GALNT7: variants seen among roughly 807,000 people sequenced by gnomAD.
GALNT7 encodes the protein polypeptide N-acetylgalactosaminyltransferase 7.
Under a neutral mutation model 82.1 loss-of-function variants are expected in GALNT7, and 60 were observed. That is an observed-to-expected ratio of 0.73 (90% CI 0.59 to 0.91). The LOEUF (loss-of-function observed/expected upper bound fraction) is 0.91, where lower values mean the gene tolerates loss of function less well. GALNT7 is among the 40% of genes least tolerant of loss of function. The pLI is 0.00. For missense variants in GALNT7, 660 were observed against 804.2 expected, an observed-to-expected ratio of 0.82 and a Z score of 2.17; for synonymous variants, 243 against 275.1, an observed-to-expected ratio of 0.88 and a Z score of 1.15.
At chr4:173,273,508 A>G (rs1223404719) in intron 2 of GALNT7, among the ~76,000 whole-genome samples, 1 of 152,226 alleles carries the variant, frequency 6.6e-6, no homozygotes, top group Non-Finnish European at 1.5e-5. Flanking sequence ...TCTTCTGAAC[A>G]ACTGGTTTGT....
intron 1 of GALNT7, among the ~76,000 whole-genome samples, chr4:173,234,358 C>CCTCTTCACTGAGCTATAAATT (rs1490297775): frequency 1.3e-5 from 2 of 152,160 alleles, no homozygotes; most frequent in Non-Finnish European, 2.9e-5. Context: ...CCAGTCCAGA[C>CCTCTTCACTGAGCTATAAATT]CTCTTCACTG....
chr4:173,307,711 C>T (rs759739659), intron 8 of GALNT7, among the ~76,000 whole-genome samples: 15 of 152,168 alleles, frequency 9.9e-5, no homozygotes, highest in Non-Finnish European at 1.6e-4. Flanking sequence ...GGAGCATGAA[C>T]GAACTATAGC....
At chr4:173,209,207 C>G (rs1733194163) in intron 1 of GALNT7, among the ~76,000 whole-genome samples, 1 of 152,174 alleles carries the variant, frequency 6.6e-6, no homozygotes, top group Non-Finnish European at 1.5e-5. Context: ...TCACCACCAT[C>G]CCCCGACATC....
chr4:173,179,247 T>C (rs996804449), intron 1 of GALNT7, among the ~76,000 whole-genome samples: 2 of 152,252 alleles, frequency 1.3e-5, no homozygotes, highest in Admixed American at 1.3e-4. Context: ...CCAAAACTTT[T>C]TTGGAGCGAG....
rs775194329 is a variant in GALNT7 at position 173,314,028 on chromosome 4, C to T, written c.1460C>T (p.Ser487Leu). ...KDYFYASRPE[S>L]QALPYGDISE... ...TACTTCTATGCTAGTCGTCCTGAAT[C>T]GCAGGCATTACCATATGGGGATATA... is the stretch of plus-strand genomic sequence containing the variant. Residue 487 changes from serine to leucine, a missense_variant, in exon 9 of 12, where the codon TCG (serine) becomes TTG (leucine). This residue lies in a region of GALNT7 where 527 missense variants were observed against 683.5 expected (regional missense o/e 0.77). Coordinates refer to ENST00000265000, the MANE Select transcript of GALNT7 (RefSeq NM_017423.3). 3.1e-6 allele frequency: 5 copies of T among 1,609,674 alleles called. No homozygotes were observed. The highest frequency in any genetic ancestry group is 2.2e-5 in the East Asian group (1 of 44,860).
At chr4:173,313,676 C>G (rs1737473940) in intron 8 of GALNT7, among the ~76,000 whole-genome samples, 1 of 151,662 alleles carries the variant, frequency 6.6e-6, no homozygotes, top group African/African-American at 2.4e-5. Context: ...ATTTATTCTT[C>G]TGTTAGCAGA....
intron 1 of GALNT7, among the ~76,000 whole-genome samples, chr4:173,232,746 C>T (rs1399595562): frequency 7.9e-5 from 12 of 152,078 alleles, no homozygotes; most frequent in Admixed American, 7.2e-4. Flanking sequence ...TTCTTTGTGT[C>T]GGGAATGCCT....
rs754443674 is a variant in GALNT7 at position 173,168,918 on chromosome 4, T to C, written c.83T>C (p.Leu28Pro). Residue 28 changes from leucine (L) to proline (P), a missense_variant, in exon 1 of 12, where the codon CTG becomes CCG. Leu to Pro is a moderately conservative substitution (Grantham distance 98). Transcript: ENST00000265000. Reference protein sequence around the residue: ...FLGLVVLWSSLTPRPDDPSPL... With the variant: ...FLGLVVLWSSPTPRPDDPSPL... ...GGGCTAGTGGTCCTCTGGTCTTCCC[T>C]GACCCCGCGGCCGGACGACCCAAGC... is the stretch of plus-strand genomic sequence containing the variant. 6.2e-7 allele frequency: 1 copy of C among 1,613,228 alleles called. No homozygotes were observed. Among genetic ancestry groups the C allele is most frequent in the Non-Finnish European group, 8.5e-7 (1 of 1,179,538 alleles).
In GALNT7 at chr4:173,302,667, A is replaced by C. The variant is rs1469001900; in HGVS notation, c.1266+503A>C. 2.6e-5 allele frequency among the ~76,000 whole-genome samples: 4 copies of C among 152,224 alleles called. No homozygotes were observed. The highest frequency in any genetic ancestry group is 9.6e-5 in the African/African-American group (4 of 41,470). ...GGAGCAATACTATCTTCCATGCTCC[A>C]GCCCCCACCTCAACCCCTATTCCTA... is the stretch of plus-strand genomic sequence containing the variant. On this transcript the variant is annotated intron_variant, in intron 7 of 11. Coordinates refer to ENST00000265000, the MANE Select transcript of GALNT7 (RefSeq NM_017423.3). This position sits in a 1 kb window ranked among gnomAD's most constrained non-coding sequence, Gnocchi z 4.2.
At position 173,292,754 on chromosome 4, in the gene GALNT7, C is replaced by T. The variant is rs867026874; in HGVS notation, c.754+480C>T. 1.3e-5 allele frequency among the ~76,000 whole-genome samples: 2 copies of T among 152,120 alleles called. No individual in the cohort carries two copies. Among genetic ancestry groups the T allele is most frequent in the Non-Finnish European group, 2.9e-5 (2 of 67,998 alleles). ...TAGCACGAATAAATAGAAATATGGC[C>T]TATTTTTCCTTTCATCTCTGTGCAG... On this transcript the variant is annotated intron_variant, in intron 3 of 11. Coordinates refer to ENST00000265000, the MANE Select transcript of GALNT7 (RefSeq NM_017423.3). This position sits in a 1 kb window ranked among gnomAD's most constrained non-coding sequence, Gnocchi z 4.8.
Position 173,304,043 on chromosome 4 carries a change from T to C in GALNT7, c.1314T>C (p.Val438=). ...TATTATTTGTTCCTTGTTCTCGTGT[T>C]GGACATATCTACCGTCTTGAGGGCT... ...GKLLFVPCSR[V]GHIYRLEGWQ... is the part of the protein sequence containing the mutation. Residue 438 remains valine (V), a synonymous_variant, in exon 8 of 12, where the codon GTT becomes GTC. Transcript: ENST00000265000. The C allele has an allele frequency of 1.2e-6, 2 of 1,612,336 alleles. No individual in the cohort carries two copies. The highest frequency in any genetic ancestry group is 2.2e-5 in the South Asian group (2 of 91,018).
intron 1 of GALNT7, among the ~76,000 whole-genome samples, chr4:173,216,378 T>C (rs890757469): frequency 8.5e-5 from 13 of 152,116 alleles, no homozygotes; most frequent in Non-Finnish European, 1.8e-4. Context: ...GAGGGCGTAA[T>C]GTGTTACTGG....
intron 1 of GALNT7, among the ~76,000 whole-genome samples, chr4:173,199,151 T>C (rs1579903825): frequency 6.6e-6 from 1 of 152,234 alleles, no homozygotes; most frequent in East Asian, 1.9e-4. Context: ...TGCTAGATAC[T>C]ATGTGCCACA....
chr4:173,297,065 T>A (rs1736741924), intron 5 of GALNT7, among the ~76,000 whole-genome samples: 2 of 152,166 alleles, frequency 1.3e-5, no homozygotes, highest in African/African-American at 2.4e-5. Flanking sequence ...ACAAGCAGGG[T>A]ACCAGATAAT....
At chr4:173,318,753 C>G in intron 11 of GALNT7, 194 bp downstream of exon 11, 1 of 453,114 alleles carries the variant, frequency 2.2e-6, no homozygotes, top group Non-Finnish European at 3.9e-6. Context: ...CACTTTTGTT[C>G]TCTCTTACAA....
chr4:173,264,289 G>T (rs1231141501), intron 2 of GALNT7, among the ~76,000 whole-genome samples: 1 of 152,160 alleles, frequency 6.6e-6, no homozygotes, highest in Non-Finnish European at 1.5e-5. Context: ...GATATGAGTG[G>T]TTATGATACC....
intron 1 of GALNT7, among the ~76,000 whole-genome samples, chr4:173,209,194 T>A (rs1300438269): frequency 6.6e-6 from 1 of 152,216 alleles, no homozygotes; most frequent in African/African-American, 2.4e-5. Flanking sequence ...GGAGGGCAGG[T>A]CTTCACCACC....
intron 1 of GALNT7, among the ~76,000 whole-genome samples, chr4:173,196,599 A>G (rs1732786604): frequency 6.6e-6 from 1 of 152,126 alleles, no homozygotes; most frequent in Non-Finnish European, 1.5e-5. Flanking sequence ...GGTTTGTTAT[A>G]TAGGTAAACG....
rs145880728 is a variant in GALNT7, at chr4:173,212,707, A to G, written c.127-35273A>G. On this transcript the variant is annotated intron_variant, in intron 1 of 11. Coordinates refer to ENST00000265000, the MANE Select transcript of GALNT7 (RefSeq NM_017423.3). ...TGTTAAGGTATAGTGATTTGCTTAT[A>G]ATAAAATGATTTAAAATATTTTGAC... 1.3e-3 allele frequency among the ~76,000 whole-genome samples: 176 copies of G among 136,574 alleles called. 1 individual carries two copies. The highest frequency in any genetic ancestry group is 4.3e-3 in the African/African-American group (170 of 39,584). 89.6% of individuals were successfully genotyped at this position (136,574 alleles called of 152,430 possible). A position where few individuals can be genotyped will look rare whatever the true frequency, so the allele number is the denominator to read the frequency against.
Sources: gnomAD v4.1 joint callset for allele counts (sites outside exome capture counted in the v4.1 genomes callset) on GRCh38, gnomAD v4.1.1 for gene constraint, gnomAD v4.1.1 regional missense constraint, Gnocchi (gnomAD v3.1) non-coding constraint, MANE v1.5 for transcripts, NCBI Gene and HGNC (gene_info 2026-07-23, HGNC 2026-07-21) for gene names.